Variants in SV2B observed in about 807,000 individuals in gnomAD.
SV2B encodes solute carrier family 22 member B2.
Under a neutral mutation model 73.9 loss-of-function variants are expected in SV2B, and 41 were observed. The observed-to-expected ratio is 0.56, with a 90% confidence interval of 0.43 to 0.72. The LOEUF is 0.72. Among genes scored for constraint, SV2B ranks in the 30% least tolerant of loss-of-function variants. The pLI, the probability that SV2B is intolerant of heterozygous loss-of-function variation, is 0.00. For synonymous variants in SV2B, 314 were observed against 314.2 expected, an observed-to-expected ratio of 1.00 and a Z score of 0.01; for missense variants, 764 against 857.8, an observed-to-expected ratio of 0.89 and a Z score of 1.37.
intron 11 of SV2B, among the ~76,000 whole-genome samples, chr15:91,285,417 G>A (rs115506070): frequency 5.9e-5 from 9 of 152,328 alleles, no homozygotes; most frequent in African/African-American, 2.2e-4. Flanking sequence ...AGTGCCTGCA[G>A]TAGAGTTGAC....
At chr15:91,160,442 T>A (rs2043671684) in intron 1 of SV2B, among the ~76,000 whole-genome samples, 1 of 152,142 alleles carries the variant, frequency 6.6e-6, no homozygotes, top group Admixed American at 6.6e-5. Context: ...ACCCCATCTC[T>A]ACTAAAAATG....
At position 91,141,556 on chromosome 15, in the gene SV2B, A is replaced by G. The variant is rs1050787743; in HGVS notation, c.-392+41193A>G. ...CCAAATTCCAGCGAGCTTTGCTTTGAATGTCTAAAGAGTGGTAAGGGTAAT... is the reference window on the plus strand; with the variant it reads ...CCAAATTCCAGCGAGCTTTGCTTTGGATGTCTAAAGAGTGGTAAGGGTAAT... On this transcript the variant is annotated intron_variant, in intron 1 of 12. Transcript: ENST00000394232. The surrounding 1 kb of genome is among the most constrained non-coding windows in gnomAD (Gnocchi z 4.6). 6.6e-6 allele frequency among the ~76,000 whole-genome samples: 1 copy of G among 152,196 alleles called. No homozygotes were observed. Among genetic ancestry groups the G allele is most frequent in the African/African-American group, 2.4e-5 (1 of 41,456 alleles).
In SV2B at chr15:91,302,387, G is replaced by T. The variant is rs182336037; in HGVS notation, c.*9835G>T. ...AGAGATCTGGGGGGTGCAGAGGAGG[G>T]ACCTGGTTCTGGAGTGGTGATGCTG... On this transcript the variant is annotated 3_prime_UTR_variant, in exon 13 of 13. Transcript: ENST00000394232. Among the ~76,000 whole-genome samples, 48 of 152,278 alleles carry T rather than the reference G, an allele frequency of 3.2e-4. No individual in the cohort carries two copies. The highest frequency in any genetic ancestry group is 5.9e-4 in the Admixed American group (9 of 15,296).
intron 1 of SV2B, among the ~76,000 whole-genome samples, chr15:91,108,588 G>A (rs2041953643): frequency 6.6e-6 from 1 of 152,182 alleles, no homozygotes; most frequent in African/African-American, 2.4e-5. Flanking sequence ...TCTCTTGGTT[G>A]CTCCTCCCGG....
chr15:91,181,796 C>G (rs1053488287), intron 1 of SV2B, among the ~76,000 whole-genome samples: 5 of 151,322 alleles, frequency 3.3e-5, no homozygotes, highest in South Asian at 4.2e-4. Flanking sequence ...ATGGTTGAAT[C>G]TGTATTGGGG....
Position 91,241,658 on chromosome 15 carries a change from C to T in SV2B, c.452-10161C>T, listed in dbSNP as rs571698855. Among the ~76,000 whole-genome samples the T allele has an allele frequency of 2.0e-5, 3 of 152,312 alleles. No homozygotes were observed. The highest frequency in any genetic ancestry group is 4.1e-4 in the South Asian group (2 of 4,824). On this transcript the variant is annotated intron_variant, in intron 2 of 12. Transcript: ENST00000394232. This position sits in a 1 kb window ranked among gnomAD's most constrained non-coding sequence, Gnocchi z 4.8. ...CCTGTTATCACACCTACCTTCCTCG[C>T]TGCCTCTGTGCTGACCCCGTATTCT...
At position 91,226,121 on chromosome 15, in the gene SV2B, T is replaced by C; in HGVS notation, c.-143T>C. On this transcript the variant is annotated 5_prime_UTR_variant, in exon 2 of 13. Coordinates refer to ENST00000394232, the MANE Select transcript of SV2B (RefSeq NM_001323032.3). ...GAGAGATAAAGGGGGGGGGAACCAGTGTGACTTTCACCTAAGAAGTCACAT... is the reference window on the plus strand; with the variant it reads ...GAGAGATAAAGGGGGGGGGAACCAGCGTGACTTTCACCTAAGAAGTCACAT... The C allele has an allele frequency of 1.3e-6, 1 of 775,506 alleles. No homozygotes were observed. The highest frequency in any genetic ancestry group is 1.9e-5 in the South Asian group (1 of 52,246). 48.0% of individuals were successfully genotyped at this position (775,506 alleles called of 1,614,324 possible). A position where few individuals can be genotyped will look rare whatever the true frequency, so the allele number is the denominator to read the frequency against.
intron 1 of SV2B, among the ~76,000 whole-genome samples, chr15:91,163,045 A>T (rs1316567866): frequency 1.3e-5 from 2 of 152,166 alleles, no homozygotes; most frequent in African/African-American, 4.8e-5. Context: ...TAATTTGCTC[A>T]GAATGATGGT....
chr15:91,107,017 A>G (rs763523094), intron 1 of SV2B, among the ~76,000 whole-genome samples: 2 of 152,174 alleles, frequency 1.3e-5, no homozygotes, highest in South Asian at 2.1e-4. Flanking sequence ...TTTTGTTTGC[A>G]ATGATGTTGG....
chr15:91,204,989 A>T (rs2045585204), intron 1 of SV2B, among the ~76,000 whole-genome samples: 1 of 152,194 alleles, frequency 6.6e-6, no homozygotes, highest in African/African-American at 2.4e-5. Flanking sequence ...ATTCAAATCC[A>T]GGTTGATCTG....
intron 1 of SV2B, among the ~76,000 whole-genome samples, chr15:91,168,975 A>G (rs1163490573): frequency 6.6e-6 from 1 of 152,202 alleles, no homozygotes; most frequent in African/African-American, 2.4e-5. Context: ...TGCAGAGAGA[A>G]CCTATAGTGA....
rs898276960 is a variant in SV2B at position 91,224,389 on chromosome 15, G to C, written c.-391-1484G>C. On this transcript the variant is annotated intron_variant, in intron 1 of 12. Coordinates refer to ENST00000394232, the MANE Select transcript of SV2B (RefSeq NM_001323032.3). This position sits in a 1 kb window ranked among gnomAD's most constrained non-coding sequence, Gnocchi z 4.9. ...CCCTATCAGAGGGTCCAGCAGCTGGGAGCACTGGGGTGGGGTAGGGGGTGT... is the reference window on the plus strand; with the variant it reads ...CCCTATCAGAGGGTCCAGCAGCTGGCAGCACTGGGGTGGGGTAGGGGGTGT... Among the ~76,000 whole-genome samples, 1 of 152,110 alleles carries C rather than the reference G, an allele frequency of 6.6e-6. No homozygotes were observed. Among genetic ancestry groups the C allele is most frequent in the African/African-American group, 2.4e-5 (1 of 41,424 alleles).
chr15:91,225,416 A>G (rs989074984), intron 1 of SV2B, among the ~76,000 whole-genome samples: 1 of 152,230 alleles, frequency 6.6e-6, no homozygotes, highest in Non-Finnish European at 1.5e-5. Context: ...AACCTCCACT[A>G]TTGCCAAAGG....
chr15:91,171,382 C>T (rs189787220), intron 1 of SV2B, among the ~76,000 whole-genome samples: 7 of 152,282 alleles, frequency 4.6e-5, no homozygotes, highest in African/African-American at 1.2e-4. Flanking sequence ...TATTTCTGAG[C>T]ACAAAGCATT....
intron 9 of SV2B, among the ~76,000 whole-genome samples, chr15:91,269,488 C>T (rs1187602110): frequency 6.6e-6 from 1 of 152,136 alleles, no homozygotes; most frequent in Non-Finnish European, 1.5e-5. Flanking sequence ...CATTAACTGC[C>T]CCATATTTAC....
chr15:91,153,775 G>C (rs8041530), intron 1 of SV2B, among the ~76,000 whole-genome samples: 8,476 of 151,952 alleles, frequency 0.056, 804 homozygotes, highest in African/African-American at 0.19. Context: ...GTAAAGTCAG[G>C]CTGGAGACAA....
chr15:91,278,730 G>C (rs1381913925), intron 9 of SV2B, among the ~76,000 whole-genome samples: 1 of 146,192 alleles, frequency 6.8e-6, no homozygotes, highest in African/African-American at 2.5e-5. Context: ...GCAAGAATTT[G>C]TTTCCTCTTT....
At chr15:91,179,369 GT>G in intron 1 of SV2B, among the ~76,000 whole-genome samples, 1 of 152,296 alleles carries the variant, frequency 6.6e-6, no homozygotes, top group Non-Finnish European at 1.5e-5. Flanking sequence ...TATATATTTT[GT>G]TGATTTGGGG....
rs908065663 is a variant in SV2B, at chr15:91,301,401, C to A, written c.*8849C>A. The A allele has an allele frequency of 6.6e-6, 1 of 152,158 alleles. No homozygotes were observed. The highest frequency in any genetic ancestry group is 1.5e-5 in the Non-Finnish European group (1 of 68,040). The allele number at this position is 152,158 out of a possible 1,614,324, so 9.4% of individuals were successfully genotyped here. A position where few individuals can be genotyped will look rare whatever the true frequency, so the allele number is the denominator to read the frequency against. On this transcript the variant is annotated 3_prime_UTR_variant, in exon 13 of 13. Transcript: ENST00000394232. The surrounding 1 kb of genome is among the most constrained non-coding windows in gnomAD (Gnocchi z 4.3). The stretch of plus-strand genomic sequence containing the variant: ...ACTGTCACTGGATAGTGGAATTGCT[C>A]TGATTACCGATGCCTTTTTTGTTCT...
Sources: allele counts gnomAD v4.1 joint callset (sites outside exome capture counted in the v4.1 genomes callset), GRCh38; gene constraint gnomAD v4.1.1; non-coding constraint Gnocchi (gnomAD v3.1); transcripts MANE v1.5; gene names NCBI Gene and HGNC (gene_info 2026-07-23, HGNC 2026-07-21).